Variants in DPT observed in about 807,000 individuals in gnomAD.
DPT encodes dermatopontin.
DPT carries 21 observed loss-of-function variants against 31.2 expected under a neutral mutation model. The observed-to-expected ratio is 0.67, with a 90% CI of 0.48 to 0.97. The LOEUF (loss-of-function observed/expected upper bound fraction) is 0.97. Among genes scored for constraint, DPT ranks in the 50% least tolerant of loss-of-function variants. The pLI, the probability that DPT is intolerant of heterozygous loss-of-function variation, is 0.00. For missense variants in DPT, 262 were observed against 258.8 expected (o/e 1.01, Z -0.08); for synonymous variants, 91 against 86.9 (o/e 1.05, Z -0.26).
chr1:168,729,083 T>A lies in DPT; in HGVS notation c.92A>T (p.His31Leu), dbSNP rs763597685. 6.2e-7 allele frequency: 1 copy of A among 1,614,230 alleles called. No homozygotes were observed. The highest frequency in any genetic ancestry group is 8.5e-7 in the Non-Finnish European group (1 of 1,180,042). Residue 31 changes from histidine to leucine, a missense_variant, in exon 1 of 4, where the codon CAT (histidine) becomes CTT (leucine). Physicochemically the swap from His to Leu is moderately conservative, Grantham distance 99. Coordinates refer to ENST00000367817, the MANE Select transcript of DPT (RefSeq NM_001937.5). ...CACCCACCCATCATCGCTGTAGTCA[T>A]GATACTGCTGGTATGGGTATCCATA... Reference protein sequence around the residue: ...GDYGYPYQQYHDYSDDGWVNL... With the variant: ...GDYGYPYQQYLDYSDDGWVNL...
chr1:168,709,736 C>T (rs1307784182), intron 2 of DPT, among the ~76,000 whole-genome samples: 1 of 152,172 alleles, frequency 6.6e-6, no homozygotes, highest in Non-Finnish European at 1.5e-5. Context: ...ATGTCGTTCC[C>T]ACCCACATGG....
intron 1 of DPT, among the ~76,000 whole-genome samples, chr1:168,721,941 C>A (rs995064274): frequency 6.6e-6 from 1 of 152,212 alleles, no homozygotes; most frequent in African/African-American, 2.4e-5. Context: ...AAGGTTTTAA[C>A]AGTGAAGCAG....
chr1:168,718,056 C>G (rs1342343508), intron 1 of DPT, among the ~76,000 whole-genome samples: 1 of 152,242 alleles, frequency 6.6e-6, no homozygotes, highest in Non-Finnish European at 1.5e-5. Flanking sequence ...AGCTAGTGCT[C>G]TCTGTGACCT....
intron 2 of DPT, among the ~76,000 whole-genome samples, chr1:168,710,929 T>C (rs56360536): frequency 0.34 from 51,578 of 151,792 alleles, 9,213 homozygotes; most frequent in Middle Eastern, 0.39. Context: ...TCCAGGAAAA[T>C]TTAGATGTTT....
At chr1:168,710,464 G>A (rs1485959214) in intron 2 of DPT, among the ~76,000 whole-genome samples, 2 of 152,144 alleles carry the variant, frequency 1.3e-5, no homozygotes, top group African/African-American at 4.8e-5. Flanking sequence ...AAAGGGTATG[G>A]GGGTTGGGGT....
chr1:168,698,045 C>G (rs1257708545), intron 3 of DPT, among the ~76,000 whole-genome samples: 1 of 152,224 alleles, frequency 6.6e-6, no homozygotes, highest in African/African-American at 2.4e-5. Context: ...AATTATCTAT[C>G]TCCCTTTTCA....
chr1:168,708,631 A>G (rs552328740), intron 2 of DPT, among the ~76,000 whole-genome samples: 2 of 152,350 alleles, frequency 1.3e-5, no homozygotes, highest in East Asian at 1.9e-4. Flanking sequence ...AGTTTGTTAC[A>G]TATGTATACA....
intron 2 of DPT, among the ~76,000 whole-genome samples, chr1:168,710,880 T>C (rs1410460880): frequency 1.3e-5 from 2 of 152,086 alleles, no homozygotes; most frequent in East Asian, 3.9e-4. Context: ...ATGCTCAGAG[T>C]GTTAACACAG....
At chr1:168,722,490 T>C (rs972389226) in intron 1 of DPT, among the ~76,000 whole-genome samples, 1 of 152,188 alleles carries the variant, frequency 6.6e-6, no homozygotes, top group Non-Finnish European at 1.5e-5. Flanking sequence ...GGACTTGCAA[T>C]GTGCAGGCAT....
In DPT at chr1:168,714,259, G is replaced by A. The variant is rs185905465; in HGVS notation, c.393C>T (p.Tyr131=). ...GGCACCTCTTGCTGTAGCGACAACA[G>A]TAAAACTGCCACTCCCGATCCAGCA... The part of the protein sequence containing the change: ...ESVLDREWQF[Y]CCRYSKRCPY... The change falls in exon 2 of 4, where the codon TAC becomes TAT. Residue 131 remains tyrosine, a synonymous_variant. Transcript: ENST00000367817. 6.2e-7 allele frequency: 1 copy of A among 1,613,928 alleles called. No homozygotes were observed. Among genetic ancestry groups the A allele is most frequent in the African/African-American group, 1.3e-5 (1 of 74,862 alleles).
At chr1:168,702,880 G>A (rs751675175) in intron 2 of DPT, among the ~76,000 whole-genome samples, 29 of 152,060 alleles carry the variant, frequency 1.9e-4, no homozygotes, top group African/African-American at 3.1e-4. Context: ...CCAAAGTGCC[G>A]GGATTACATG....
intron 2 of DPT, among the ~76,000 whole-genome samples, chr1:168,713,080 C>T (rs1041736819): frequency 2.6e-5 from 4 of 152,036 alleles, no homozygotes; most frequent in Non-Finnish European, 4.4e-5. Context: ...TTCTTTTTGC[C>T]CAAACTGGTG....
At chr1:168,709,898 A>G (rs948355770) in intron 2 of DPT, among the ~76,000 whole-genome samples, 3 of 152,220 alleles carry the variant, frequency 2.0e-5, no homozygotes, top group African/African-American at 7.2e-5. Context: ...AAATAAAATA[A>G]TGTACATGAA....
intron 2 of DPT, among the ~76,000 whole-genome samples, chr1:168,706,572 A>G (rs1407818486): frequency 6.6e-6 from 1 of 152,222 alleles, no homozygotes; most frequent in African/African-American, 2.4e-5. Context: ...GGATTGGCCA[A>G]GCGGGACCTC....
chr1:168,700,892 T>C, intron 3 of DPT, 125 bp downstream of exon 3: 1 of 446,650 alleles, frequency 2.2e-6, no homozygotes, highest in Non-Finnish European at 3.8e-6. Flanking sequence ...GTATTCTACG[T>C]GTGTGTGTGT....
At chr1:168,720,014 C>T (rs544810559) in intron 1 of DPT, among the ~76,000 whole-genome samples, 7 of 152,188 alleles carry the variant, frequency 4.6e-5, no homozygotes, top group Non-Finnish European at 1.0e-4. Flanking sequence ...AAAGCTAAAA[C>T]GGAAGACTTT....
chr1:168,707,943 T>C (rs1365677529), intron 2 of DPT, among the ~76,000 whole-genome samples: 3 of 152,176 alleles, frequency 2.0e-5, no homozygotes, highest in African/African-American at 7.2e-5. Flanking sequence ...AATGGACTAA[T>C]ACAACAGTCA....
intron 2 of DPT, among the ~76,000 whole-genome samples, chr1:168,710,610 A>G (rs1338773240): frequency 6.6e-6 from 1 of 152,178 alleles, no homozygotes; most frequent in East Asian, 1.9e-4. Flanking sequence ...GTTCCTACAT[A>G]TATGTCTATA....
At chr1:168,722,755 T>A (rs1042386513) in intron 1 of DPT, among the ~76,000 whole-genome samples, 1 of 152,186 alleles carries the variant, frequency 6.6e-6, no homozygotes, top group Admixed American at 6.5e-5. Context: ...ACGACTTGAG[T>A]AAAGGTAGTA....
Sources: allele counts gnomAD v4.1 joint callset (sites outside exome capture counted in the v4.1 genomes callset), GRCh38; gene constraint gnomAD v4.1.1; transcripts MANE v1.5; gene names NCBI Gene and HGNC (gene_info 2026-07-23, HGNC 2026-07-21).